Variants in PRIM2 observed in about 807,000 individuals in gnomAD.
The protein encoded by PRIM2 is DNA primase subunit 2.
PRIM2 carries 39 observed loss-of-function variants against 67.3 expected under a neutral mutation model. The observed-to-expected ratio is 0.58, with a 90% CI of 0.45 to 0.76. The LOEUF is 0.76. PRIM2 is among the 30% of genes least tolerant of loss of function. The probability of loss-of-function intolerance (pLI) is 0.00; values close to 1 mark genes in which losing one functional copy is unlikely to be tolerated. For synonymous variants in PRIM2, 143 were observed against 198.7 expected, an observed-to-expected ratio of 0.72 and a Z score of 2.36; for missense variants, 398 against 598.7, an observed-to-expected ratio of 0.66 and a Z score of 3.50.
At chr6:57,296,037 G>C in the PRIM2 span, among the ~76,000 whole-genome samples, 3 of 152,128 alleles carry the variant, frequency 2.0e-5, no homozygotes, top group African/African-American at 7.2e-5. Flanking sequence ...CCAACAGGAT[G>C]GGTGGGGAGA....
intron 7 of PRIM2, among the ~76,000 whole-genome samples, chr6:57,478,994 A>C (rs1307330963): frequency 1.3e-5 from 2 of 152,176 alleles, no homozygotes; most frequent in Non-Finnish European, 2.9e-5. Flanking sequence ...TAAAAATACA[A>C]AATTAGCCGG....
intron 7 of PRIM2, among the ~76,000 whole-genome samples, chr6:57,413,293 A>T (rs1294417094): frequency 7.2e-5 from 11 of 152,058 alleles, no homozygotes; most frequent in African/African-American, 2.7e-4. Context: ...TTTGAATTGA[A>T]GTGTATTTTG....
intron 10 of PRIM2, among the ~76,000 whole-genome samples, chr6:57,586,841 G>A (rs1208937227): frequency 6.6e-6 from 1 of 152,146 alleles, no homozygotes; most frequent in Admixed American, 6.5e-5. Context: ...CCTAAATTTA[G>A]GGACAGAAAA....
At chr6:57,416,972 C>CTTTTTTTTTTTT (rs377078433) in intron 7 of PRIM2, among the ~76,000 whole-genome samples, 1 of 144,378 alleles carries the variant, frequency 6.9e-6, no homozygotes, top group Non-Finnish European at 1.5e-5. Context: ...TTCTTTTTTT[C>CTTTTTTTTTTTT]TTTTTTTTTT....
intron 7 of PRIM2, among the ~76,000 whole-genome samples, chr6:57,462,350 T>TTCAAACCATATTC (rs1562766502): frequency 0.013 from 1,950 of 152,344 alleles, 41 homozygotes; most frequent in African/African-American, 0.043. Context: ...TGCATTTGAA[T>TTCAAACCATATTC]ATGGTTTTGG....
the PRIM2 span, among the ~76,000 whole-genome samples, chr6:57,277,829 C>T: frequency 2.0e-5 from 3 of 151,198 alleles, no homozygotes; most frequent in South Asian, 6.3e-4. Context: ...AAAAATACAA[C>T]AAAAATTAGC....
At chr6:57,510,566 G>T (rs1472487974) in intron 8 of PRIM2, among the ~76,000 whole-genome samples, 3 of 152,062 alleles carry the variant, frequency 2.0e-5, no homozygotes, top group Non-Finnish European at 4.4e-5. Context: ...ATTCTCTGTG[G>T]ATTTCACTCA....
At chr6:57,632,810 T>G (rs1394304051) in intron 13 of PRIM2, among the ~76,000 whole-genome samples, 1 of 152,226 alleles carries the variant, frequency 6.6e-6, no homozygotes, top group African/African-American at 2.4e-5. Context: ...GATGTTACTG[T>G]AATCCACTTC....
At chr6:57,231,418 C>G in the PRIM2 span, among the ~76,000 whole-genome samples, 5 of 151,994 alleles carry the variant, frequency 3.3e-5, no homozygotes, top group Non-Finnish European at 7.4e-5. Flanking sequence ...AAACAAATTA[C>G]AAACTGAGAA....
intron 7 of PRIM2, among the ~76,000 whole-genome samples, chr6:57,416,290 T>C (rs1210449587): frequency 1.3e-5 from 2 of 152,320 alleles, no homozygotes; most frequent in Non-Finnish European, 2.9e-5. Context: ...CAACAAGCAG[T>C]AATATTTTGA....
chr6:57,440,001 G>A (rs375476011), intron 7 of PRIM2, among the ~76,000 whole-genome samples: 3 of 151,508 alleles, frequency 2.0e-5, no homozygotes, highest in East Asian at 1.9e-4. Flanking sequence ...ATTTGTTCGC[G>A]TTTTTCTGTT....
At chr6:57,283,735 T>C in the PRIM2 span, among the ~76,000 whole-genome samples, 1 of 152,182 alleles carries the variant, frequency 6.6e-6, no homozygotes, top group South Asian at 2.1e-4. Flanking sequence ...ATTTGTTGAG[T>C]TTGGCCTTCT....
At chr6:57,501,449 G>A (rs1455733795) in intron 7 of PRIM2, among the ~76,000 whole-genome samples, 1 of 152,014 alleles carries the variant, frequency 6.6e-6, no homozygotes, top group Non-Finnish European at 1.5e-5. Flanking sequence ...ACAGGCGCCC[G>A]CCACCAAGCC....
chr6:57,622,275 T>C (rs1187755205), intron 12 of PRIM2, among the ~76,000 whole-genome samples: 1 of 152,228 alleles, frequency 6.6e-6, no homozygotes, highest in Non-Finnish European at 1.5e-5. Context: ...TTACTGAAAG[T>C]AATTGCTTAT....
chr6:57,475,844 C>T (rs1466402417), intron 7 of PRIM2, among the ~76,000 whole-genome samples: 1 of 152,182 alleles, frequency 6.6e-6, no homozygotes, highest in African/African-American at 2.4e-5. Context: ...AGAGACATGG[C>T]ACGTTTCCTT....
At chr6:57,490,343 A>G (rs1288199409) in intron 7 of PRIM2, among the ~76,000 whole-genome samples, 7 of 152,202 alleles carry the variant, frequency 4.6e-5, no homozygotes, top group Non-Finnish European at 7.3e-5. Context: ...CAAAAGGGAC[A>G]GTACTAGGAC....
At chr6:57,634,418 G>A (rs1444419288) in intron 13 of PRIM2, among the ~76,000 whole-genome samples, 4 of 152,204 alleles carry the variant, frequency 2.6e-5, no homozygotes, top group Admixed American at 1.3e-4. Context: ...CAAGAAAATA[G>A]CAACAACAAA....
chr6:57,547,648 C>G (rs1353907951), intron 10 of PRIM2, among the ~76,000 whole-genome samples: 1 of 152,248 alleles, frequency 6.6e-6, no homozygotes, highest in South Asian at 2.1e-4. Context: ...TGTTGTTATT[C>G]TGAATTGCTT....
At chr6:57,360,166 A>G (rs1411281280) in intron 5 of PRIM2, among the ~76,000 whole-genome samples, 1 of 152,250 alleles carries the variant, frequency 6.6e-6, no homozygotes, top group Non-Finnish European at 1.5e-5. Context: ...AATTTAGCTC[A>G]GATGGTGAAT....
Sources: gnomAD v4.1 joint callset for allele counts (sites outside exome capture counted in the v4.1 genomes callset) on GRCh38, gnomAD v4.1.1 for gene constraint, MANE v1.5 for transcripts, NCBI Gene and HGNC (gene_info 2026-07-23, HGNC 2026-07-21) for gene names.